SMYD3: variants seen among roughly 807,000 people sequenced by gnomAD.
SMYD3 encodes the protein SET and MYND domain containing 3.
In SMYD3, 36 loss-of-function variants were observed where a neutral mutation model predicts 57.7. The observed-to-expected ratio is 0.62, with a 90% CI of 0.48 to 0.82. SMYD3 has a LOEUF of 0.82. Ranked by LOEUF, SMYD3 falls within the 40% of genes least tolerant of loss-of-function variation. The pLI, the probability that SMYD3 is intolerant of heterozygous loss-of-function variation, is 0.00. For synonymous variants in SMYD3, 211 were observed against 195.0 expected, an observed-to-expected ratio of 1.08 and a Z score of -0.68; for missense variants, 515 against 538.8, an observed-to-expected ratio of 0.96 and a Z score of 0.44.
chr1:246,454,156 G>T (rs1158266344), intron 1 of SMYD3, among the ~76,000 whole-genome samples: 1 of 152,184 alleles, frequency 6.6e-6, no homozygotes, highest in African/African-American at 2.4e-5. Flanking sequence ...ATTCTCTGTA[G>T]GAAATAGTTT....
chr1:246,375,048 G>T (rs544976195), intron 1 of SMYD3, among the ~76,000 whole-genome samples: 1 of 152,092 alleles, frequency 6.6e-6, no homozygotes, highest in African/African-American at 2.4e-5. Flanking sequence ...AGCCGAGATC[G>T]CGCTGTTGCA....
chr1:245,897,835 G>A (rs2148605600), intron 8 of SMYD3, among the ~76,000 whole-genome samples: 1 of 152,144 alleles, frequency 6.6e-6, no homozygotes, highest in Middle Eastern at 3.4e-3. Flanking sequence ...GGAGGCAGAG[G>A]TTGCAGTGAG....
At chr1:245,797,685 T>C (rs1187546415) in intron 10 of SMYD3, among the ~76,000 whole-genome samples, 2 of 151,328 alleles carry the variant, frequency 1.3e-5, no homozygotes, top group Non-Finnish European at 2.9e-5. Context: ...TATATATAGA[T>C]AGATAGATAG....
intron 5 of SMYD3, among the ~76,000 whole-genome samples, chr1:246,015,879 A>T (rs1240112638): frequency 6.6e-6 from 1 of 151,414 alleles, no homozygotes; most frequent in Non-Finnish European, 1.5e-5. Context: ...TATCTGTTCG[A>T]GTACCTGCTG....
intron 5 of SMYD3, among the ~76,000 whole-genome samples, chr1:246,104,500 G>A (rs567398779): frequency 6.6e-6 from 1 of 152,332 alleles, no homozygotes; most frequent in South Asian, 2.1e-4. Flanking sequence ...TGCAGGCTGA[G>A]TGGGCTCGTC....
rs1223324591 is a variant in SMYD3, at chr1:245,931,007, G to A, written c.532-1070C>T. Reference sequence around the variant, plus strand: ...AAGGCCCTACGCTAGGAATGCCCGTGGTAACAGAGGAACAGCAAAGAGGCT... The same window carrying A: ...AAGGCCCTACGCTAGGAATGCCCGTAGTAACAGAGGAACAGCAAAGAGGCT... On this transcript the variant is annotated intron_variant, in intron 5 of 11. Transcript: ENST00000490107. Among the ~76,000 whole-genome samples the A allele has an allele frequency of 2.6e-5, 4 of 152,310 alleles. 1 individual carries two copies. In the South Asian group the frequency reaches 8.3e-4, roughly 32 times the overall value.
intron 10 of SMYD3, among the ~76,000 whole-genome samples, chr1:245,838,362 G>A (rs887164221): frequency 9.2e-5 from 14 of 152,244 alleles, no homozygotes; most frequent in African/African-American, 2.2e-4. Context: ...CTGGGAATAG[G>A]CATCAGTTGG....
At chr1:246,042,301 C>A (rs988847214) in intron 5 of SMYD3, among the ~76,000 whole-genome samples, 2 of 151,958 alleles carry the variant, frequency 1.3e-5, no homozygotes, top group African/African-American at 4.8e-5. Context: ...TGGAGAGAAA[C>A]TAAGATTGGA....
intron 10 of SMYD3, among the ~76,000 whole-genome samples, chr1:245,794,216 A>C (rs1572352513): frequency 6.6e-6 from 1 of 152,336 alleles, no homozygotes; most frequent in East Asian, 1.9e-4. Context: ...TGTTCTACGC[A>C]TTCTACAACT....
intron 5 of SMYD3, among the ~76,000 whole-genome samples, chr1:246,155,878 C>T (rs140794485): frequency 6.2e-4 from 95 of 152,182 alleles, no homozygotes; most frequent in Non-Finnish European, 9.9e-4. Context: ...GTCCTGGCTA[C>T]TCAGAGGCTG....
intron 5 of SMYD3, among the ~76,000 whole-genome samples, chr1:246,300,773 T>C (rs1013673986): frequency 6.6e-6 from 1 of 152,066 alleles, no homozygotes; most frequent in African/African-American, 2.4e-5. Flanking sequence ...ATATAATATA[T>C]GCAAGCCACA....
intron 2 of SMYD3, among the ~76,000 whole-genome samples, chr1:246,353,252 G>A (rs2065860454): frequency 6.6e-6 from 1 of 152,120 alleles, no homozygotes; most frequent in Admixed American, 6.6e-5. Flanking sequence ...TACTGGCTGG[G>A]CACAGTGGCT....
intron 5 of SMYD3, among the ~76,000 whole-genome samples, chr1:246,166,952 C>T (rs2062224441): frequency 6.6e-6 from 1 of 152,178 alleles, no homozygotes; most frequent in Admixed American, 6.5e-5. Context: ...TGCCCCTTCC[C>T]ACAAGCCCTA....
intron 8 of SMYD3, among the ~76,000 whole-genome samples, chr1:245,869,936 C>T (rs1399926267): frequency 6.6e-6 from 1 of 152,196 alleles, no homozygotes; most frequent in Non-Finnish European, 1.5e-5. Context: ...CTGGGTTAGC[C>T]TGGCCCTCCA....
At chr1:246,322,479 C>T (rs2065266650) in intron 5 of SMYD3, 1 of 151,308 alleles carries the variant, frequency 6.6e-6, no homozygotes, top group South Asian at 2.1e-4. Context: ...GAGATGGAGA[C>T]ATACATCTTC....
chr1:245,925,617 G>T (rs2056316763), intron 7 of SMYD3, among the ~76,000 whole-genome samples: 1 of 152,126 alleles, frequency 6.6e-6, no homozygotes, highest in Admixed American at 6.6e-5. Context: ...ATTCAAAATG[G>T]CAATAGTGTC....
chr1:246,376,670 C>T (rs1456607205), intron 1 of SMYD3, among the ~76,000 whole-genome samples: 1 of 151,174 alleles, frequency 6.6e-6, no homozygotes, highest in Non-Finnish European at 1.5e-5. Flanking sequence ...GAACTGTGCA[C>T]TTATACAATT....
intron 1 of SMYD3, among the ~76,000 whole-genome samples, chr1:246,384,180 G>C (rs774286992): frequency 2.0e-5 from 3 of 152,144 alleles, no homozygotes; most frequent in Non-Finnish European, 4.4e-5. Context: ...GAAGCTGAGA[G>C]ATAATTATCC....
chr1:246,216,444 A>G (rs1033557259), intron 5 of SMYD3, among the ~76,000 whole-genome samples: 1 of 152,044 alleles, frequency 6.6e-6, no homozygotes, highest in Non-Finnish European at 1.5e-5. Flanking sequence ...TCATTTGGGG[A>G]AAAATATGCA....
Sources: allele counts gnomAD v4.1 joint callset (sites outside exome capture counted in the v4.1 genomes callset), GRCh38; gene constraint gnomAD v4.1.1; transcripts MANE v1.5; gene names NCBI Gene and HGNC (gene_info 2026-07-23, HGNC 2026-07-21).